The following SIPA1L2 variants were observed in gnomAD, a reference collection of about 807,000 sequenced individuals.
The protein encoded by SIPA1L2 is signal-induced proliferation-associated 1-like protein 2.
Under a neutral mutation model 163.9 loss-of-function variants are expected in SIPA1L2, and 56 were observed. The ratio of observed to expected loss-of-function variants is 0.34; its 90% CI spans 0.28 to 0.43. The LOEUF is 0.43. Ranked by LOEUF, SIPA1L2 falls within the 20% of genes least tolerant of loss-of-function variation. SIPA1L2 has a pLI of 1.00. For synonymous variants in SIPA1L2, 877 were observed against 865.7 expected, an observed-to-expected ratio of 1.01 and a Z score of -0.23; for missense variants, 1,974 against 2,193.5, an observed-to-expected ratio of 0.90 and a Z score of 2.00.
chr1:232,513,977 C>G lies in SIPA1L2; in HGVS notation c.1363G>C (p.Val455Leu). ...SLSSHCTNAG[V>L]SVLEVPRENQ... is the part of the protein sequence containing the mutation. ...TCTCTGGGCACTTCCAAGACGGAGA[C>G]ACCTGCATTTGTGCAGTGAGAGCTG... The change falls in exon 3 of 23, where the codon GTC becomes CTC. Residue 455 changes from valine to leucine, a missense_variant. Physicochemically the swap from Val to Leu is conservative, Grantham distance 32 (BLOSUM62 1). This residue lies in a region of SIPA1L2 where 607 missense variants were observed against 624.0 expected (regional missense o/e 0.97). Transcript: ENST00000674635. The G allele has an allele frequency of 6.2e-7, 1 of 1,614,224 alleles. No homozygotes were observed. The highest frequency in any genetic ancestry group is 8.5e-7 in the Non-Finnish European group (1 of 1,180,034).
chr1:232,538,396 C>G (rs913774702), intron 2 of SIPA1L2, among the ~76,000 whole-genome samples: 6 of 152,140 alleles, frequency 3.9e-5, no homozygotes, highest in Non-Finnish European at 7.4e-5. Flanking sequence ...GGTTATACCT[C>G]CAGAATGACT....
rs2275303 is a variant in SIPA1L2, at chr1:232,403,473, C to T, written c.4915G>A (p.Gly1639Ser). The T allele has an allele frequency of 0.029, 46,877 of 1,591,782 alleles. 6,253 individuals carry two copies. In the East Asian group the frequency reaches 0.48, roughly 16 times the overall value. The change falls in exon 21 of 23, where the codon GGC (glycine) becomes AGC (serine). Residue 1639 changes from glycine to serine, a missense_variant. Coordinates refer to ENST00000674635, the MANE Select transcript of SIPA1L2 (RefSeq NM_020808.5). Reference protein sequence around the residue: ...ELPLCVDPGSGKEFMDTTGER... With the variant: ...ELPLCVDPGSSKEFMDTTGER... ...CCAGTTGTGTCCATGAACTCTTTGC[C>T]ACTGCCTGGATCTACACATAAGGGC...
At chr1:232,406,440 A>G (rs1660637550) in intron 19 of SIPA1L2, among the ~76,000 whole-genome samples, 1 of 152,244 alleles carries the variant, frequency 6.6e-6, no homozygotes, top group African/African-American at 2.4e-5. Context: ...TTTCAATGTC[A>G]GTTTCTTATT....
At chr1:232,501,813 T>A (rs1178750684) in intron 3 of SIPA1L2, among the ~76,000 whole-genome samples, 1 of 152,224 alleles carries the variant, frequency 6.6e-6, no homozygotes, top group Admixed American at 6.5e-5. Context: ...TGATGGCCTC[T>A]ACCCTCTTCC....
In SIPA1L2 at chr1:232,511,425, G is replaced by A. The variant is rs16857493; in HGVS notation, c.1483+2432C>T. ...TGCAGTGTAAATATCTGTTTATTTA[G>A]CTTTATTGCATCAGATCATTTCTCT... On this transcript the variant is annotated intron_variant, in intron 3 of 22. Coordinates refer to ENST00000674635, the MANE Select transcript of SIPA1L2 (RefSeq NM_020808.5). Among the ~76,000 whole-genome samples, 1,000 of 152,268 alleles carry A rather than the reference G, an allele frequency of 6.6e-3. 26 individuals are homozygous for A. In the South Asian group the frequency reaches 0.078, roughly 12 times the overall value.
chr1:232,509,809 A>C (rs763683629), intron 3 of SIPA1L2, among the ~76,000 whole-genome samples: 3 of 152,234 alleles, frequency 2.0e-5, no homozygotes, highest in Non-Finnish European at 4.4e-5. Flanking sequence ...ACTGGACCAC[A>C]GGGGAAGAGC....
At chr1:232,408,193 A>T (rs2102756796) in intron 19 of SIPA1L2, among the ~76,000 whole-genome samples, 1 of 152,194 alleles carries the variant, frequency 6.6e-6, no homozygotes, top group Non-Finnish European at 1.5e-5. Context: ...AAAGTCTAAA[A>T]TGTGACTCCG....
chr1:232,553,434 C>T (rs1371487395), intron 2 of SIPA1L2, among the ~76,000 whole-genome samples: 2 of 152,164 alleles, frequency 1.3e-5, no homozygotes, highest in Admixed American at 6.5e-5. Flanking sequence ...ACGGGAATGC[C>T]TGTTCCCACT....
intron 19 of SIPA1L2, among the ~76,000 whole-genome samples, chr1:232,414,384 G>T (rs928108384): frequency 6.6e-6 from 1 of 152,128 alleles, no homozygotes; most frequent in South Asian, 2.1e-4. Flanking sequence ...TCACAGATGA[G>T]GGGCAGTGAA....
At chr1:232,428,387 T>G (rs1338758692) in intron 17 of SIPA1L2, 24 bp downstream of exon 17, 4 of 1,326,800 alleles carry the variant, frequency 3.0e-6, no homozygotes, top group Non-Finnish European at 4.0e-6. Context: ...TTCTGGTAAC[T>G]TCAAAGCTCC....
chr1:232,467,617 A>T (rs1200594323), intron 8 of SIPA1L2, among the ~76,000 whole-genome samples: 1 of 152,230 alleles, frequency 6.6e-6, no homozygotes, highest in African/African-American at 2.4e-5. Context: ...CCTGCCCTGC[A>T]AATATTGGGT....
chr1:232,436,318 G>A (rs1423661241), intron 15 of SIPA1L2, among the ~76,000 whole-genome samples: 2 of 152,198 alleles, frequency 1.3e-5, no homozygotes, highest in East Asian at 1.9e-4. Flanking sequence ...AGAAGGTGGC[G>A]ATAAGTGGCC....
chr1:232,449,146 T>A lies in SIPA1L2; in HGVS notation c.3096-3360A>T, dbSNP rs73092803. On this transcript the variant is annotated intron_variant, in intron 10 of 22. Transcript: ENST00000674635. ...GAAGAAGAGGTGGAACTTATGAGAG[T>A]TAAAATTAAACACTAAAAAATCCAG... Among the ~76,000 whole-genome samples, 1,436 of 151,236 alleles carry A rather than the reference T, an allele frequency of 9.5e-3. 27 individuals carry two copies. The highest frequency in any genetic ancestry group is 0.033 in the African/African-American group (1,359 of 41,182).
intron 5 of SIPA1L2, among the ~76,000 whole-genome samples, chr1:232,484,879 C>T (rs534870236): frequency 1.1e-4 from 16 of 152,352 alleles, no homozygotes; most frequent in African/African-American, 3.8e-4. Flanking sequence ...CATCAATCCA[C>T]AACACTGTTC....
chr1:232,580,114 A>G (rs774020230), intron 1 of SIPA1L2, among the ~76,000 whole-genome samples: 3 of 152,204 alleles, frequency 2.0e-5, no homozygotes, highest in Non-Finnish European at 4.4e-5. Flanking sequence ...TAGATTATTC[A>G]TGAGTTTTCC....
chr1:232,420,319 G>A (rs141561359), intron 18 of SIPA1L2, among the ~76,000 whole-genome samples: 49 of 152,028 alleles, frequency 3.2e-4, no homozygotes, highest in African/African-American at 1.0e-3. Context: ...GCGAAACTCC[G>A]TCTCCAAACA....
intron 2 of SIPA1L2, among the ~76,000 whole-genome samples, chr1:232,552,961 C>T (rs1330321526): frequency 6.6e-6 from 1 of 152,134 alleles, no homozygotes; most frequent in Non-Finnish European, 1.5e-5. Flanking sequence ...TGGGTGCCTG[C>T]GACTCCCAAA....
At chr1:232,454,352 C>CT in intron 10 of SIPA1L2, among the ~76,000 whole-genome samples, 1 of 152,314 alleles carries the variant, frequency 6.6e-6, no homozygotes, top group East Asian at 1.9e-4. Flanking sequence ...CATCAGCTTC[C>CT]TTCCATCCTT....
chr1:232,424,422 A>T (rs1232494622), intron 18 of SIPA1L2, among the ~76,000 whole-genome samples: 1 of 151,852 alleles, frequency 6.6e-6, no homozygotes, highest in African/African-American at 2.4e-5. Flanking sequence ...CGTACCACAG[A>T]GAGTTCACAA....
Sources: gnomAD v4.1 joint callset for allele counts (sites outside exome capture counted in the v4.1 genomes callset) on GRCh38, gnomAD v4.1.1 for gene constraint, gnomAD v4.1.1 regional missense constraint, MANE v1.5 for transcripts, NCBI Gene and HGNC (gene_info 2026-07-23, HGNC 2026-07-21) for gene names.